The following FGD4 variants were observed in gnomAD, a reference collection of about 807,000 sequenced individuals.
The protein encoded by FGD4 is FYVE, RhoGEF and PH domain containing 4.
A neutral mutation model predicts 102.0 loss-of-function variants in FGD4; 42 were observed. That is an observed-to-expected ratio of 0.41 (90% CI 0.32 to 0.53). The LOEUF is 0.53. Ranked by LOEUF, FGD4 falls within the 20% of genes least tolerant of loss-of-function variation. The pLI is 0.21. For synonymous variants in FGD4, 380 were observed against 375.7 expected (o/e 1.01, Z -0.13); for missense variants, 902 against 1,078.2 (o/e 0.84, Z 2.29).
At chr12:32,402,323 A>G (rs1264481381) in intron 1 of FGD4, among the ~76,000 whole-genome samples, 2 of 151,170 alleles carry the variant, frequency 1.3e-5, no homozygotes, top group Non-Finnish European at 1.5e-5. Flanking sequence ...GCTTGCGCTC[A>G]GGAGGTGGAG....
At chr12:32,592,122 G>T (rs186840803) in intron 4 of FGD4, among the ~76,000 whole-genome samples, 3 of 151,632 alleles carry the variant, frequency 2.0e-5, no homozygotes, top group Non-Finnish European at 4.4e-5. Flanking sequence ...TCACTCTTTC[G>T]CCCAGGCTGC....
At chr12:32,417,603 A>C (rs1941469472) in intron 1 of FGD4, among the ~76,000 whole-genome samples, 1 of 151,810 alleles carries the variant, frequency 6.6e-6, no homozygotes, top group Non-Finnish European at 1.5e-5. Flanking sequence ...GATTACAGGT[A>C]CATGTCACCA....
chr12:32,610,797 C>T lies in FGD4; in HGVS notation c.1565C>T (p.Thr522Ile). 2 of 1,613,478 alleles carry T rather than the reference C, an allele frequency of 1.2e-6. No individual in the cohort carries two copies. The highest frequency in any genetic ancestry group is 1.7e-6 in the Non-Finnish European group (2 of 1,179,842). The change falls in exon 9 of 17, where the codon ACA becomes ATA. Residue 522 changes from threonine to isoleucine, a missense_variant. Physicochemically the swap from Thr to Ile is moderately conservative, Grantham distance 89. Transcript: ENST00000534526. ...TTAGAATCACTTGAAATTATATCTA[C>T]AGCAGCAAGCCATTCTAATAGTGCA... The part of the protein sequence containing the change: ...DAKKSLEIIS[T>I]AASHSNSAIR...
In FGD4 at chr12:32,582,193, C is replaced by A; in HGVS notation, c.737C>A (p.Thr246Asn). The A allele has an allele frequency of 6.2e-7, 1 of 1,614,232 alleles. No individual in the cohort carries two copies. The highest frequency in any genetic ancestry group is 1.1e-5 in the South Asian group (1 of 91,078). The change falls in exon 4 of 17, where the codon ACT becomes AAT. Residue 246 changes from threonine (T) to asparagine (N), a missense_variant. Physicochemically the swap from Thr to Asn is moderately conservative, Grantham distance 65. Transcript: ENST00000534526. Reference sequence around the variant, plus strand: ...GAATGTGAGGAGGAGAAAGCTGCCACTCTTAGCTCAGATACTTCTATTCAA... The same window carrying A: ...GAATGTGAGGAGGAGAAAGCTGCCAATCTTAGCTCAGATACTTCTATTCAA... The part of the protein sequence containing the change: ...QMECEEEKAA[T>N]LSSDTSIQAS...
intron 1 of FGD4, among the ~76,000 whole-genome samples, chr12:32,475,120 C>T (rs959915981): frequency 1.3e-5 from 2 of 152,178 alleles, no homozygotes; most frequent in African/African-American, 4.8e-5. Context: ...AGTTCACTAC[C>T]TGGGTGCCTC....
chr12:32,511,475 A>T (rs1565788523), intron 1 of FGD4, among the ~76,000 whole-genome samples: 1 of 151,422 alleles, frequency 6.6e-6, no homozygotes, highest in South Asian at 2.1e-4. Flanking sequence ...AATTTTTTAT[A>T]TTTTTTTTAG....
In FGD4 at chr12:32,416,521, C is replaced by T. The variant is rs1941420659; in HGVS notation, c.166+16562C>T. Among the ~76,000 whole-genome samples, 3 of 152,000 alleles carry T rather than the reference C, an allele frequency of 2.0e-5. No individual in the cohort carries two copies. The East Asian group carries it at 5.8e-4, about 29-fold the overall frequency. ...GGGTGTCCATTGTACGTTGGACATG[C>T]ACACAATGGACACACATAAAACACA... On this transcript the variant is annotated intron_variant, in intron 1 of 16. Transcript: ENST00000534526.
intron 10 of FGD4, among the ~76,000 whole-genome samples, chr12:32,618,550 T>C (rs1414570415): frequency 6.6e-6 from 1 of 152,176 alleles, no homozygotes; most frequent in African/African-American, 2.4e-5. Context: ...AAAAAATTGC[T>C]GACCAGATGC....
chr12:32,474,116 C>G (rs1267979800), intron 1 of FGD4, among the ~76,000 whole-genome samples: 1 of 151,520 alleles, frequency 6.6e-6, no homozygotes, highest in African/African-American at 2.4e-5. Flanking sequence ...GTATTCGGGG[C>G]TGTGGAGAAA....
intron 1 of FGD4, among the ~76,000 whole-genome samples, chr12:32,403,439 A>C (rs1940773634): frequency 6.6e-6 from 1 of 152,136 alleles, no homozygotes; most frequent in Non-Finnish European, 1.5e-5. Context: ...TGGACAACAG[A>C]GATAACAATC....
intron 5 of FGD4, among the ~76,000 whole-genome samples, chr12:32,600,203 C>T (rs1313445719): frequency 6.6e-6 from 1 of 152,208 alleles, no homozygotes; most frequent in East Asian, 1.9e-4. Context: ...CAACTTTCTT[C>T]CTTATGGGAA....
intron 4 of FGD4, among the ~76,000 whole-genome samples, chr12:32,594,106 AGCCCGTAG>A: frequency 6.6e-6 from 1 of 152,344 alleles, no homozygotes; most frequent in East Asian, 1.9e-4. Flanking sequence ...AGAGGTCCTC[AGCCCGTAG>A]GCCACGGACT....
intron 1 of FGD4, among the ~76,000 whole-genome samples, chr12:32,550,899 A>G (rs1422964942): frequency 1.3e-5 from 2 of 152,176 alleles, no homozygotes; most frequent in Non-Finnish European, 2.9e-5. Context: ...ATTATTTGAG[A>G]CTTGAATTAC....
chr12:32,636,394 C>T (rs1017236683), intron 15 of FGD4, among the ~76,000 whole-genome samples: 1 of 151,354 alleles, frequency 6.6e-6, no homozygotes, highest in Non-Finnish European at 1.5e-5. Flanking sequence ...TTAGCCGGGC[C>T]TGGTGGCGTG....
chr12:32,437,682 G>A (rs952510851), intron 1 of FGD4, among the ~76,000 whole-genome samples: 1 of 152,060 alleles, frequency 6.6e-6, no homozygotes, highest in Non-Finnish European at 1.5e-5. Context: ...TGGATGGTTT[G>A]CATTTGACCA....
chr12:32,472,725 G>A (rs530759702), intron 1 of FGD4, among the ~76,000 whole-genome samples: 5 of 152,362 alleles, frequency 3.3e-5, no homozygotes, highest in African/African-American at 9.6e-5. Flanking sequence ...CCCCGGTGCG[G>A]GATCCACTAG....
intron 1 of FGD4, among the ~76,000 whole-genome samples, chr12:32,450,291 T>C (rs1340445473): frequency 6.6e-6 from 1 of 152,148 alleles, no homozygotes; most frequent in African/African-American, 2.4e-5. Flanking sequence ...AGGCTGGTCT[T>C]GAACTCTCGG....
intron 1 of FGD4, among the ~76,000 whole-genome samples, chr12:32,472,058 T>G (rs143871395): frequency 6.6e-6 from 1 of 152,314 alleles, no homozygotes; most frequent in Non-Finnish European, 1.5e-5. Flanking sequence ...TACATCAGCT[T>G]GACAGGTCTA....
intron 3 of FGD4, among the ~76,000 whole-genome samples, chr12:32,579,240 T>C (rs1946399185): frequency 6.6e-6 from 1 of 151,804 alleles, no homozygotes; most frequent in Non-Finnish European, 1.5e-5. Context: ...AGAGACGGGG[T>C]TTCTCCATGT....
Sources: gnomAD v4.1 joint callset for allele counts (sites outside exome capture counted in the v4.1 genomes callset) on GRCh38, gnomAD v4.1.1 for gene constraint, MANE v1.5 for transcripts, NCBI Gene and HGNC (gene_info 2026-07-23, HGNC 2026-07-21) for gene names.